Variants in RYR2 observed in about 807,000 individuals in gnomAD.
RYR2 encodes ryanodine receptor 2, also known as cardiac muscle ryanodine receptor-calcium release channel.
In RYR2, 227 loss-of-function variants were observed where a neutral mutation model predicts 601.1. That is an observed-to-expected ratio of 0.38 (90% confidence interval 0.34 to 0.42). RYR2 has a LOEUF of 0.42. Ranked by LOEUF, RYR2 falls within the 10% of genes least tolerant of loss-of-function variation. RYR2 has a pLI of 1.00. For synonymous variants in RYR2, 2,223 were observed against 2,175.1 expected (o/e 1.02, Z -0.61); for missense variants, 4,646 against 6,156.5 (o/e 0.75, Z 8.21).
At chr1:237,326,588 C>T (rs1029718340) in intron 2 of RYR2, among the ~76,000 whole-genome samples, 2 of 152,118 alleles carry the variant, frequency 1.3e-5, no homozygotes, top group African/African-American at 4.8e-5. Context: ...CTGAGTATTT[C>T]GAAGCACTTA....
At chr1:237,213,576 C>T (rs1210900353) in intron 1 of RYR2, among the ~76,000 whole-genome samples, 1 of 152,010 alleles carries the variant, frequency 6.6e-6, no homozygotes, top group African/African-American at 2.4e-5. Context: ...TATTTGCCTG[C>T]TTTTCTAATG....
intron 1 of RYR2, among the ~76,000 whole-genome samples, chr1:237,227,250 CA>C (rs374947905): frequency 0.012 from 1,763 of 151,330 alleles, 14 homozygotes; most frequent in Middle Eastern, 0.076. Context: ...GTCCCCACCA[CA>C]AAAAAAAGGT....
At chr1:237,634,226 G>A (rs1680633432) in intron 43 of RYR2, among the ~76,000 whole-genome samples, 1 of 152,120 alleles carries the variant, frequency 6.6e-6, no homozygotes, top group Non-Finnish European at 1.5e-5. Flanking sequence ...TTCATCAGTG[G>A]ATGAATGGAT....
chr1:237,541,205 A>C (rs931844846), intron 25 of RYR2, among the ~76,000 whole-genome samples: 3 of 152,218 alleles, frequency 2.0e-5, no homozygotes, highest in Admixed American at 1.3e-4. Context: ...AAAATGCACC[A>C]ATGTGCCGTG....
At chr1:237,369,449 GA>G in intron 5 of RYR2, 84 bp from the exon 6 acceptor site, 1 of 1,151,824 alleles carries the variant, frequency 8.7e-7, no homozygotes, top group East Asian at 2.6e-5. Flanking sequence ...GTTCCTTTGA[GA>G]GCAAGAGAGT....
chr1:237,445,659 G>A, intron 14 of RYR2, 137 bp downstream of exon 14: 5 of 1,049,692 alleles, frequency 4.8e-6, no homozygotes, highest in Non-Finnish European at 5.5e-6. Flanking sequence ...GAAACGTTAG[G>A]AAGTGTTAAT....
intron 1 of RYR2, among the ~76,000 whole-genome samples, chr1:237,049,743 A>G (rs1661020320): frequency 1.3e-5 from 2 of 152,166 alleles, no homozygotes; most frequent in South Asian, 4.1e-4. Context: ...AAGCTTGCAG[A>G]CAGGCATTTA....
At chr1:237,811,733 A>G (rs931217100) in intron 100 of RYR2, among the ~76,000 whole-genome samples, 1 of 152,210 alleles carries the variant, frequency 6.6e-6, no homozygotes, top group African/African-American at 2.4e-5. Flanking sequence ...ATCCTTCCAC[A>G]CATAGTTGAC....
chr1:237,352,219 G>A (rs2149676533), intron 3 of RYR2, among the ~76,000 whole-genome samples: 1 of 151,966 alleles, frequency 6.6e-6, no homozygotes, highest in South Asian at 2.1e-4. Flanking sequence ...TGGGGAAAGT[G>A]GATACTTTTG....
intron 2 of RYR2, among the ~76,000 whole-genome samples, chr1:237,287,660 T>G (rs1005558520): frequency 6.6e-6 from 1 of 152,200 alleles, no homozygotes; most frequent in African/African-American, 2.4e-5. Flanking sequence ...TTCTGAATTT[T>G]TGATTGTTTT....
intron 24 of RYR2, among the ~76,000 whole-genome samples, chr1:237,523,804 G>T (rs982469475): frequency 6.6e-6 from 1 of 150,556 alleles, no homozygotes; most frequent in Non-Finnish European, 1.5e-5. Flanking sequence ...CTAATAAAGT[G>T]CAATCAAGGA....
chr1:237,603,566 CACACATAACAATATTA>C (rs766026820), intron 35 of RYR2, among the ~76,000 whole-genome samples: 55 of 152,194 alleles, frequency 3.6e-4, no homozygotes, highest in Non-Finnish European at 7.1e-4. Context: ...GGATCAAATT[CACACATAACAATATTA>C]ACCTTAAATG....
chr1:237,515,801 CCTT>C (rs1354913356), intron 24 of RYR2, among the ~76,000 whole-genome samples: 2 of 142,854 alleles, frequency 1.4e-5, no homozygotes, highest in African/African-American at 2.6e-5. Flanking sequence ...CTCTTCTCCT[CCTT>C]CTCCTCCTCC....
chr1:237,417,674 TGA>T (rs1039532498), intron 11 of RYR2, among the ~76,000 whole-genome samples: 92 of 152,304 alleles, frequency 6.0e-4, no homozygotes, highest in African/African-American at 2.2e-3. Flanking sequence ...ATTATAGTAA[TGA>T]GAGTTTTTAT....
At chr1:237,351,854 C>CAAAAAAAAAAAAA (rs33955032) in intron 3 of RYR2, among the ~76,000 whole-genome samples, 1 of 40,950 alleles carries the variant, frequency 2.4e-5, no homozygotes, top group Non-Finnish European at 4.7e-5. Context: ...AAAGACCATG[C>CAAAAAAAAAAAAA]AAAAAAAAAA....
chr1:237,319,469 A>AT (rs1695415937), intron 2 of RYR2, among the ~76,000 whole-genome samples: 1 of 151,546 alleles, frequency 6.6e-6, no homozygotes, highest in African/African-American at 2.4e-5. Flanking sequence ...GGGTTTTTTT[A>AT]TTTTTTCTTT....
chr1:237,068,410 C>T (rs1453388338), intron 1 of RYR2, among the ~76,000 whole-genome samples: 1 of 152,080 alleles, frequency 6.6e-6, no homozygotes, highest in African/African-American at 2.4e-5. Context: ...GAACAGTTGA[C>T]ATTGTTATGT....
At chr1:237,709,444 T>A in intron 69 of RYR2, 36 bp from the exon 70 acceptor site, 1 of 1,294,190 alleles carries the variant, frequency 7.7e-7, no homozygotes. Flanking sequence ...CTTTAAGGAG[T>A]AGCTGAGAAA....
At chr1:237,352,706 A>G (rs1053798798) in intron 3 of RYR2, 2 of 220,222 alleles carry the variant, frequency 9.1e-6, no homozygotes, top group East Asian at 1.1e-4. Context: ...TAATGTTACA[A>G]TAAGACCGTT....
Sources: allele counts gnomAD v4.1 joint callset (sites outside exome capture counted in the v4.1 genomes callset), GRCh38; gene constraint gnomAD v4.1.1; transcripts MANE v1.5; gene names NCBI Gene and HGNC (gene_info 2026-07-23, HGNC 2026-07-21).